Variants in MYOF observed in about 807,000 individuals in gnomAD.
MYOF encodes fer-1-like 3, myoferlin.
A neutral mutation model predicts 284.2 loss-of-function variants in MYOF; 244 were observed. The observed-to-expected ratio is 0.86, with a 90% CI of 0.77 to 0.95. The LOEUF is 0.95. Ranked by LOEUF, MYOF falls within the 40% of genes least tolerant of loss-of-function variation. The probability of loss-of-function intolerance (pLI) is 0.00; values close to 1 mark genes in which losing one functional copy is unlikely to be tolerated. For synonymous variants in MYOF, 904 were observed against 919.7 expected (o/e 0.98, Z 0.31); for missense variants, 2,496 against 2,560.6 (o/e 0.97, Z 0.54).
intron 9 of MYOF, 142 bp from the exon 10 acceptor site, chr10:93,403,032 T>G (rs1847374260): frequency 1.4e-6 from 1 of 698,116 alleles, no homozygotes; most frequent in African/African-American, 1.8e-5. Context: ...TCTTATCCTC[T>G]CTGTATCCCC....
Position 93,355,689 on chromosome 10 carries a change from C to G in MYOF, c.3342G>C (p.Gln1114His), listed in dbSNP as rs976983235. ...EDGDEKSLEK[Q>H]KHSATTVFGA... is the part of the protein sequence containing the mutation. ...CGAACACAGTGGTGGCACTGTGCTT[C>G]TGTTTCTCCAGGCTCTTCTCATCCC... is the stretch of plus-strand genomic sequence containing the variant. Residue 1114 changes from glutamine (Q) to histidine (H), a missense_variant, in exon 31 of 54, where the codon CAG becomes CAC. Physicochemically the swap from Gln to His is conservative, Grantham distance 24. This residue lies in a region of MYOF where 2,436 missense variants were observed against 2,480.7 expected (regional missense o/e 0.98). Transcript: ENST00000359263. 5 of 1,613,360 alleles carry G rather than the reference C, an allele frequency of 3.1e-6. No individual in the cohort carries two copies. The highest frequency in any genetic ancestry group is 1.1e-5 in the South Asian group (1 of 91,028).
rs764531957 is a variant in MYOF at position 93,355,712 on chromosome 10, C to T, written c.3319G>A (p.Asp1107Asn). 3.7e-6 allele frequency: 6 copies of T among 1,613,104 alleles called. No individual in the cohort carries two copies. In the South Asian group the frequency reaches 5.5e-5, roughly 15 times the overall value. Reference protein sequence around the residue: ...ALGADTTEDGDEKSLEKQKHS... With the variant: ...ALGADTTEDGNEKSLEKQKHS... ...TTCTGTTTCTCCAGGCTCTTCTCAT[C>T]CCCATCTTCGGTAGTGTCTGCCCCC... is the stretch of plus-strand genomic sequence containing the variant. Residue 1107 changes from aspartate (D) to asparagine (N), a missense_variant, in exon 31 of 54, where the codon GAT becomes AAT. Around this residue, in one of 3 missense-constraint regions of MYOF, gnomAD observed 2,436 missense variants for 2,480.7 expected, o/e 0.98. Transcript: ENST00000359263.
intron 1 of MYOF, among the ~76,000 whole-genome samples, chr10:93,463,439 G>T (rs1055776455): frequency 1.6e-5 from 2 of 122,282 alleles, no homozygotes; most frequent in Non-Finnish European, 1.6e-5. Context: ...TCACTCTGTC[G>T]CCCAGGATCT....
chr10:93,470,826 T>G (rs1299313354), intron 1 of MYOF, among the ~76,000 whole-genome samples: 2 of 152,094 alleles, frequency 1.3e-5, no homozygotes, highest in East Asian at 1.9e-4. Context: ...CCTGGCAGAG[T>G]ACCCTCTCAA....
chr10:93,415,595 A>C (rs1848083527), intron 5 of MYOF, among the ~76,000 whole-genome samples: 1 of 152,172 alleles, frequency 6.6e-6, no homozygotes, highest in Admixed American at 6.5e-5. Context: ...CATTGAGAAA[A>C]TTGGCAATTA....
At chr10:93,384,351 T>C (rs1387634646) in intron 19 of MYOF, among the ~76,000 whole-genome samples, 1 of 152,068 alleles carries the variant, frequency 6.6e-6, no homozygotes, top group African/African-American at 2.4e-5. Flanking sequence ...TGAAATAATA[T>C]AAATTGGGCT....
At chr10:93,374,649 G>A (rs957521154) in intron 23 of MYOF, 114 bp downstream of exon 23, 2 of 1,080,490 alleles carry the variant, frequency 1.9e-6, no homozygotes, top group African/African-American at 1.6e-5. Flanking sequence ...TGTCAGAGCT[G>A]CTCAATATCC....
At chr10:93,338,841 C>T (rs1040598553) in intron 39 of MYOF, among the ~76,000 whole-genome samples, 3 of 151,856 alleles carry the variant, frequency 2.0e-5, no homozygotes, top group African/African-American at 4.8e-5. Flanking sequence ...CTATAGAAGG[C>T]CTCCCACTCA....
At chr10:93,442,856 T>A (rs950724690) in intron 3 of MYOF, among the ~76,000 whole-genome samples, 2 of 152,184 alleles carry the variant, frequency 1.3e-5, no homozygotes, top group African/African-American at 4.8e-5. Context: ...CTTGAATCTA[T>A]AGAATAGAAT....
Position 93,482,261 on chromosome 10 carries a change from T to A in MYOF, c.-67A>T, listed in dbSNP as rs1589633487. 7.4e-7 allele frequency: 1 copy of A among 1,349,468 alleles called. No homozygotes were observed. Among genetic ancestry groups the A allele is most frequent in the Non-Finnish European group, 1.1e-6 (1 of 949,810 alleles). The allele number at this position is 1,349,468 out of a possible 1,614,324, so 83.6% of individuals were successfully genotyped here. A position where few individuals can be genotyped will look rare whatever the true frequency, so the allele number is the denominator to read the frequency against. On this transcript the variant is annotated 5_prime_UTR_variant, in exon 1 of 54. Transcript: ENST00000359263. ...GAGACTAGGGCGCTGGAGCTCCGGG[T>A]CGCACCGCCCTGGGAGAGAAGTTCT...
intron 24 of MYOF, 42 bp from the exon 25 acceptor site, chr10:93,369,818 G>A (rs200248943): frequency 2.5e-6 from 4 of 1,609,014 alleles, no homozygotes; most frequent in African/African-American, 1.3e-5. Flanking sequence ...ATTAGGCACA[G>A]CAAAGACTGT....
chr10:93,414,640 T>C (rs1414381113), intron 5 of MYOF, among the ~76,000 whole-genome samples: 1 of 152,232 alleles, frequency 6.6e-6, no homozygotes, highest in East Asian at 1.9e-4. Flanking sequence ...AATAAGGTCA[T>C]ATTCTGAGGT....
chr10:93,385,078 G>A (rs1846301333), intron 19 of MYOF, among the ~76,000 whole-genome samples: 1 of 152,234 alleles, frequency 6.6e-6, no homozygotes, highest in Non-Finnish European at 1.5e-5. Flanking sequence ...GAGAGAGAAT[G>A]CAAGTGCATA....
intron 39 of MYOF, among the ~76,000 whole-genome samples, chr10:93,339,810 T>C (rs1843805531): frequency 6.7e-6 from 1 of 149,802 alleles, no homozygotes; most frequent in African/African-American, 2.4e-5. Flanking sequence ...CTGGGCGCAG[T>C]GGCTCACGCC....
intron 3 of MYOF, among the ~76,000 whole-genome samples, chr10:93,441,272 T>C (rs1436049020): frequency 6.6e-6 from 1 of 152,220 alleles, no homozygotes; most frequent in Non-Finnish European, 1.5e-5. Flanking sequence ...TTTCATATAC[T>C]AGGGAATGAA....
chr10:93,395,097 C>G (rs1246583268), intron 16 of MYOF, among the ~76,000 whole-genome samples: 2 of 152,032 alleles, frequency 1.3e-5, no homozygotes, highest in Non-Finnish European at 2.9e-5. Flanking sequence ...TGTTTAATCT[C>G]TCAATATATT....
Position 93,377,352 on chromosome 10 carries a change from C to T in MYOF, c.2079G>A (p.Lys693=). 1.2e-6 allele frequency: 2 copies of T among 1,614,112 alleles called. No homozygotes were observed. Among genetic ancestry groups the T allele is most frequent in the Non-Finnish European group, 8.5e-7 (1 of 1,179,972 alleles). The change falls in exon 22 of 54, where the codon AAG becomes AAA. Residue 693 remains lysine, a synonymous_variant. Coordinates refer to ENST00000359263, the MANE Select transcript of MYOF (RefSeq NM_013451.4). ...PANQLAELWL[K]LIDEVIEDTR... is the part of the protein sequence containing the mutation. ...TGTCTTCTATAACTTCATCTATCAG[C>T]TTCAGCCACAATTCAGCCAGCTGGT...
chr10:93,398,534 A>G (rs1779268157), intron 13 of MYOF, among the ~76,000 whole-genome samples: 1 of 152,168 alleles, frequency 6.6e-6, no homozygotes, highest in Non-Finnish European at 1.5e-5. Context: ...CCTCTCAACA[A>G]TCCTGTGATT....
chr10:93,399,565 C>G, intron 12 of MYOF, 70 bp from the exon 13 acceptor site: 2 of 1,073,040 alleles, frequency 1.9e-6, no homozygotes, highest in Non-Finnish European at 2.8e-6. Context: ...TTTAAAAGTT[C>G]TCTTATACAT....
Sources: allele counts gnomAD v4.1 joint callset (sites outside exome capture counted in the v4.1 genomes callset), GRCh38; gene constraint gnomAD v4.1.1; regional missense constraint gnomAD v4.1.1; transcripts MANE v1.5; gene names NCBI Gene and HGNC (gene_info 2026-07-23, HGNC 2026-07-21).